MMP26: variants seen among roughly 807,000 people sequenced by gnomAD.
MMP26 encodes matrix metalloproteinase-26.
MMP26 carries 33 observed loss-of-function variants against 31.0 expected under a neutral mutation model. The observed-to-expected ratio is 1.06, with a 90% CI of 0.81 to 1.42. The LOEUF (loss-of-function observed/expected upper bound fraction) is 1.42, where lower values mean the gene tolerates loss of function less well. Ranked by LOEUF, MMP26 falls within the 40% of genes most tolerant of loss-of-function variation. The probability of loss-of-function intolerance (pLI) is 0.00; values close to 1 mark genes in which losing one functional copy is unlikely to be tolerated. For synonymous variants in MMP26, 122 were observed against 114.9 expected (o/e 1.06, Z -0.40); for missense variants, 347 against 316.1 (o/e 1.10, Z -0.74).
chr11:4,740,296 C>T (rs188236229), intron 1 of MMP26, among the ~76,000 whole-genome samples: 25 of 152,018 alleles, frequency 1.6e-4, no homozygotes, highest in African/African-American at 6.0e-4. Flanking sequence ...AATTTAAACT[C>T]ATTTAATTTA....
At chr11:4,924,003 C>T (rs35264256) in intron 2 of MMP26, 175,632 of 1,613,836 alleles carry the variant, frequency 0.11, 10,546 homozygotes, top group Non-Finnish European at 0.11. Context: ...ACTGATGACT[C>T]CATTGAAGAC....
chr11:4,951,212 G>T lies in MMP26; in HGVS notation c.-144-36856G>T, dbSNP rs10837015. Among the ~76,000 whole-genome samples, 3 of 120,938 alleles carry T rather than the reference G, an allele frequency of 2.5e-5. 1 individual carries two copies. The highest frequency in any genetic ancestry group is 1.9e-4 in the Admixed American group (2 of 10,810). The allele number at this position is 120,938 out of a possible 152,430, so 79.3% of individuals were successfully genotyped here. On this transcript the variant is annotated intron_variant, in intron 2 of 7. Coordinates refer to ENST00000380390, the MANE Select transcript of MMP26 (RefSeq NM_021801.5). ...TATCACAACTTTTGAGAGCTCCCTGGGTGATTTTAATGCCTTACCATAAAG... is the reference window on the plus strand; with the variant it reads ...TATCACAACTTTTGAGAGCTCCCTGTGTGATTTTAATGCCTTACCATAAAG...
chr11:4,819,791 G>A (rs1356427183), intron 2 of MMP26, among the ~76,000 whole-genome samples: 1 of 151,906 alleles, frequency 6.6e-6, no homozygotes, highest in African/African-American at 2.4e-5. Flanking sequence ...TGTTACCCAT[G>A]CTGGTCTTGA....
At chr11:4,747,211 A>G (rs73393012) in intron 1 of MMP26, among the ~76,000 whole-genome samples, 7,243 of 152,246 alleles carry the variant, frequency 0.048, 543 homozygotes, top group African/African-American at 0.17. Context: ...GGTATAGAGA[A>G]TTAGCCAGTA....
chr11:4,978,554 G>T lies in MMP26; in HGVS notation c.-144-9514G>T, dbSNP rs149440919. The stretch of plus-strand genomic sequence containing the variant: ...GAATAAAACACAGGTTCTCAGAGTG[G>T]GTAAATGGAAGCGATGTTTAGTAAT... On this transcript the variant is annotated intron_variant, in intron 2 of 7. Transcript: ENST00000380390. 1.5e-3 allele frequency among the ~76,000 whole-genome samples: 222 copies of T among 152,058 alleles called. 5 individuals are homozygous for T. The East Asian group carries it at 0.03, about 20-fold the overall frequency.
intron 2 of MMP26, among the ~76,000 whole-genome samples, chr11:4,869,314 C>A (rs942357661): frequency 2.0e-5 from 3 of 152,088 alleles, no homozygotes; most frequent in Middle Eastern, 3.2e-3. Flanking sequence ...TTACAATCTA[C>A]CCATCTGACA....
At chr11:4,737,784 G>A (rs12226215) in intron 1 of MMP26, among the ~76,000 whole-genome samples, 26,445 of 152,104 alleles carry the variant, frequency 0.17, 2,770 homozygotes, top group African/African-American at 0.3. Flanking sequence ...TGAAAATACC[G>A]TAAGTTAATT....
intron 2 of MMP26, among the ~76,000 whole-genome samples, chr11:4,824,912 C>A (rs913337029): frequency 6.6e-6 from 1 of 152,100 alleles, no homozygotes; most frequent in Non-Finnish European, 1.5e-5. Flanking sequence ...CTGGATCTAA[C>A]ACCTTCAAGA....
At chr11:4,907,275 C>T (rs569408445) in intron 2 of MMP26, 6 of 760,658 alleles carry the variant, frequency 7.9e-6, no homozygotes, top group Non-Finnish European at 1.3e-5. Flanking sequence ...CGAATGAACC[C>T]CTTATCCTCA....
At chr11:4,881,172 G>C (rs980768683) in intron 2 of MMP26, among the ~76,000 whole-genome samples, 5 of 152,126 alleles carry the variant, frequency 3.3e-5, no homozygotes, top group Non-Finnish European at 4.4e-5. Flanking sequence ...ACCTCACAGA[G>C]AGAAAGCCCT....
chr11:4,970,326 T>G (rs1019546659), intron 2 of MMP26, among the ~76,000 whole-genome samples: 5 of 152,226 alleles, frequency 3.3e-5, no homozygotes, highest in African/African-American at 9.6e-5. Context: ...ATATATAATC[T>G]GACAGAAGCT....
intron 2 of MMP26, among the ~76,000 whole-genome samples, chr11:4,845,860 C>T (rs1451015385): frequency 6.6e-6 from 1 of 152,178 alleles, no homozygotes; most frequent in Non-Finnish European, 1.5e-5. Flanking sequence ...CATCCTTGAT[C>T]ATCAGAGAAA....
intron 2 of MMP26, among the ~76,000 whole-genome samples, chr11:4,984,459 C>T (rs1290383812): frequency 6.6e-6 from 1 of 152,112 alleles, no homozygotes; most frequent in Non-Finnish European, 1.5e-5. Context: ...ATTATATGCT[C>T]GTATGTATCA....
intron 1 of MMP26, among the ~76,000 whole-genome samples, chr11:4,741,749 C>G (rs1489872896): frequency 6.6e-6 from 1 of 151,984 alleles, no homozygotes; most frequent in African/African-American, 2.4e-5. Context: ...ACATTCTGCA[C>G]ATGTATCCTG....
chr11:4,889,207 C>T (rs1486175449), intron 2 of MMP26, among the ~76,000 whole-genome samples: 1 of 152,084 alleles, frequency 6.6e-6, no homozygotes, highest in Non-Finnish European at 1.5e-5. Flanking sequence ...TCCAGGACCC[C>T]AAGGATGCCA....
At chr11:4,863,297 C>T (rs1850189646) in intron 2 of MMP26, among the ~76,000 whole-genome samples, 1 of 151,424 alleles carries the variant, frequency 6.6e-6, no homozygotes, top group African/African-American at 2.4e-5. Flanking sequence ...AATTTTCAGA[C>T]CCTTCCTTTC....
At chr11:4,922,192 A>G (rs1323072903) in intron 2 of MMP26, among the ~76,000 whole-genome samples, 1 of 152,234 alleles carries the variant, frequency 6.6e-6, no homozygotes, top group Non-Finnish European at 1.5e-5. Context: ...AGTGTAGGTA[A>G]CTTGCTTCTA....
intron 2 of MMP26, among the ~76,000 whole-genome samples, chr11:4,767,950 G>A (rs990524716): frequency 2.6e-5 from 4 of 152,048 alleles, no homozygotes; most frequent in Non-Finnish European, 2.9e-5. Flanking sequence ...CCATAAGTTC[G>A]TTTTCAGAAA....
chr11:4,769,505 A>G (rs1238953643), intron 2 of MMP26: 1 of 1,613,952 alleles, frequency 6.2e-7, no homozygotes, highest in Non-Finnish European at 8.5e-7. Flanking sequence ...GGAATTAGTG[A>G]GAATGGTAGT....
Sources: allele counts gnomAD v4.1 joint callset (sites outside exome capture counted in the v4.1 genomes callset), GRCh38; gene constraint gnomAD v4.1.1; transcripts MANE v1.5; gene names NCBI Gene and HGNC (gene_info 2026-07-23, HGNC 2026-07-21).